LRFN2: variants seen among roughly 807,000 people sequenced by gnomAD.
LRFN2 encodes leucine rich repeat and fibronectin type III domain containing 2, also known as leucine-rich repeat and fibronectin type-III domain-containing protein 2.
A neutral mutation model predicts 37.3 loss-of-function variants in LRFN2; 18 were observed. That is an observed-to-expected ratio of 0.48 (90% CI 0.33 to 0.72). The LOEUF is 0.72. Among genes scored for constraint, LRFN2 ranks in the 30% least tolerant of loss-of-function variants. LRFN2 has a pLI of 0.02. For synonymous variants in LRFN2, 556 were observed against 466.6 expected (o/e 1.19, Z -2.47); for missense variants, 1,006 against 1,060.7 (o/e 0.95, Z 0.72).
intron 1 of LRFN2, among the ~76,000 whole-genome samples, chr6:40,433,926 A>T (rs1443957121): frequency 1.3e-5 from 2 of 152,176 alleles, no homozygotes; most frequent in Non-Finnish European, 2.9e-5. Context: ...GGAAGGGATT[A>T]TCTATACACA....
chr6:40,523,224 C>T (rs1332317004), intron 1 of LRFN2, among the ~76,000 whole-genome samples: 1 of 152,190 alleles, frequency 6.6e-6, no homozygotes, highest in Non-Finnish European at 1.5e-5. Flanking sequence ...TCAATAAATG[C>T]TCAATGCATG....
At chr6:40,507,750 A>C (rs1383258462) in intron 1 of LRFN2, among the ~76,000 whole-genome samples, 1 of 152,166 alleles carries the variant, frequency 6.6e-6, no homozygotes, top group Non-Finnish European at 1.5e-5. Context: ...TGCTGTTTTG[A>C]TCATGCCTCT....
intron 1 of LRFN2, among the ~76,000 whole-genome samples, chr6:40,510,638 A>T (rs1765680261): frequency 6.6e-6 from 1 of 152,236 alleles, no homozygotes; most frequent in South Asian, 2.1e-4. Context: ...TTACATTCAA[A>T]CACAGAAGCC....
intron 1 of LRFN2, among the ~76,000 whole-genome samples, chr6:40,529,607 C>G (rs574238035): frequency 9.8e-5 from 15 of 152,326 alleles, no homozygotes; most frequent in Admixed American, 9.8e-4. Flanking sequence ...TTAGATTATG[C>G]ATAGTTTTCT....
chr6:40,580,333 G>A (rs141360663), intron 1 of LRFN2, among the ~76,000 whole-genome samples: 13 of 152,276 alleles, frequency 8.5e-5, no homozygotes, highest in South Asian at 8.3e-4. Context: ...ACCAAGAAGC[G>A]GCTGGAGTAT....
chr6:40,445,840 A>G (rs927466808), intron 1 of LRFN2, among the ~76,000 whole-genome samples: 3 of 152,058 alleles, frequency 2.0e-5, no homozygotes, highest in African/African-American at 7.2e-5. Context: ...ACCTCTCAAT[A>G]CCTCAGTTTC....
At chr6:40,407,769 T>C (rs1762879053) in intron 2 of LRFN2, 1 of 152,292 alleles carries the variant, frequency 6.6e-6, no homozygotes, top group Non-Finnish European at 1.5e-5. Context: ...GGTCGGACCA[T>C]TCACGCCAGT....
At chr6:40,439,127 C>T (rs143892144) in intron 1 of LRFN2, among the ~76,000 whole-genome samples, 2 of 152,234 alleles carry the variant, frequency 1.3e-5, no homozygotes, top group Non-Finnish European at 2.9e-5. Context: ...GAAGAGGCAA[C>T]AGTTAGCAGA....
At chr6:40,533,583 C>T (rs1237042387) in intron 1 of LRFN2, among the ~76,000 whole-genome samples, 1 of 152,176 alleles carries the variant, frequency 6.6e-6, no homozygotes, top group Admixed American at 6.5e-5. Context: ...ACTTCCTAGA[C>T]TCAGTCAGGT....
At chr6:40,457,029 C>T (rs898296669) in intron 1 of LRFN2, among the ~76,000 whole-genome samples, 1 of 152,114 alleles carries the variant, frequency 6.6e-6, no homozygotes, top group Non-Finnish European at 1.5e-5. Context: ...CTCCAACCAT[C>T]CCAAACCACC....
At chr6:40,469,283 GT>G (rs1234491241) in intron 1 of LRFN2, among the ~76,000 whole-genome samples, 3 of 152,174 alleles carry the variant, frequency 2.0e-5, no homozygotes, top group South Asian at 2.1e-4. Flanking sequence ...CAGCACCTTG[GT>G]TTCAGACTTC....
At chr6:40,417,560 G>C (rs1381291012) in intron 2 of LRFN2, among the ~76,000 whole-genome samples, 2 of 152,180 alleles carry the variant, frequency 1.3e-5, no homozygotes, top group African/African-American at 4.8e-5. Flanking sequence ...AGAGTACAAG[G>C]TTGTGGGGTA....
chr6:40,556,151 G>T (rs775457891), intron 1 of LRFN2, among the ~76,000 whole-genome samples: 3 of 152,142 alleles, frequency 2.0e-5, no homozygotes, highest in Non-Finnish European at 2.9e-5. Flanking sequence ...TGTAGAATTG[G>T]CCTTATGGTT....
intron 1 of LRFN2, among the ~76,000 whole-genome samples, chr6:40,553,060 GTC>G (rs1476345538): frequency 2.6e-5 from 4 of 152,174 alleles, no homozygotes; most frequent in Non-Finnish European, 5.9e-5. Context: ...CCTCAGCTCT[GTC>G]TCTTTCTCCA....
intron 1 of LRFN2, among the ~76,000 whole-genome samples, chr6:40,463,564 G>T (rs141087654): frequency 6.6e-6 from 1 of 151,958 alleles, no homozygotes; most frequent in African/African-American, 2.4e-5. Context: ...GCTCTTTAGC[G>T]GAATCTCTAC....
rs758561392 is a variant in LRFN2, at chr6:40,432,200, G to T, written c.914C>A (p.Ala305Glu). ...AATGGCTTTGCACTTGAGTGTGGCC[G>T]CCTGGCCCTCCAGAACCAGCAACTT... is the stretch of plus-strand genomic sequence containing the variant. Reference protein sequence around the residue: ...THKLLVLEGQAATLKCKAIGD... With the variant: ...THKLLVLEGQEATLKCKAIGD... The change falls in exon 2 of 3, where the codon GCG (alanine) becomes GAG (glutamate). Residue 305 changes from alanine to glutamate, a missense_variant. Coordinates refer to ENST00000338305, the MANE Select transcript of LRFN2 (RefSeq NM_020737.3). The T allele has an allele frequency of 5.6e-6, 9 of 1,613,852 alleles. No homozygotes were observed. The highest frequency in any genetic ancestry group is 7.6e-6 in the Non-Finnish European group (9 of 1,180,026).
chr6:40,392,817 G>T lies in LRFN2; in HGVS notation c.1496C>A (p.Ala499Asp), dbSNP rs1162373920. The change falls in exon 3 of 3, where the codon GCC (alanine) becomes GAC (aspartate). Residue 499 changes from alanine to aspartate, a missense_variant. Coordinates refer to ENST00000338305, the MANE Select transcript of LRFN2 (RefSeq NM_020737.3). This position sits in a 1 kb window ranked among gnomAD's most constrained non-coding sequence, Gnocchi z 4.7. The stretch of plus-strand genomic sequence containing the variant: ...GATGTTGGTGGCCGTGAGTGTCGTG[G>T]CTGTGTCATCCCACATGGCCAGCAC... ...LCVLAMWDDT[A>D]TTLTATNIVG... 1.2e-6 allele frequency: 2 copies of T among 1,613,956 alleles called. No individual in the cohort carries two copies. The highest frequency in any genetic ancestry group is 1.3e-5 in the African/African-American group (1 of 74,930).
intron 1 of LRFN2, among the ~76,000 whole-genome samples, chr6:40,462,234 G>T (rs1561865510): frequency 6.6e-6 from 1 of 152,324 alleles, no homozygotes; most frequent in Non-Finnish European, 1.5e-5. Flanking sequence ...CCCTGGCTTG[G>T]TCCAATGGCA....
intron 1 of LRFN2, among the ~76,000 whole-genome samples, chr6:40,480,334 G>A (rs1278524911): frequency 6.6e-6 from 1 of 152,144 alleles, no homozygotes; most frequent in Non-Finnish European, 1.5e-5. Context: ...CTGCAGGGCA[G>A]TGGCACAATC....
Sources: gnomAD v4.1 joint callset for allele counts (sites outside exome capture counted in the v4.1 genomes callset) on GRCh38, gnomAD v4.1.1 for gene constraint, Gnocchi (gnomAD v3.1) non-coding constraint, MANE v1.5 for transcripts, NCBI Gene and HGNC (gene_info 2026-07-23, HGNC 2026-07-21) for gene names.